The following RNF214 variants were observed in gnomAD, a reference collection of about 807,000 sequenced individuals.
RNF214 encodes ring finger protein 214.
A neutral mutation model predicts 75.9 loss-of-function variants in RNF214; 25 were observed. That is an observed-to-expected ratio of 0.33 (90% CI 0.24 to 0.46). RNF214 has a LOEUF of 0.46. Among genes scored for constraint, RNF214 ranks in the 20% least tolerant of loss-of-function variants. RNF214 has a pLI of 1.00. For missense variants in RNF214, 725 were observed against 857.5 expected (o/e 0.85, Z 1.93); for synonymous variants, 314 against 308.8 (o/e 1.02, Z -0.18).
chr11:117,282,016 C>T lies in RNF214; in HGVS notation c.1458C>T (p.Phe486=), dbSNP rs992465724. Residue 486 remains phenylalanine, a synonymous_variant, in exon 11 of 15, where the codon TTC becomes TTT. Transcript: ENST00000300650. ...GTGCAGATCCCCGCTCCTTGTCTTT[C>T]CCAATCCTGAACCCTGCCCTTTCCC... ...MPSADPRSLS[F]PILNPALSQP... 43 of 1,614,078 alleles carry T rather than the reference C, an allele frequency of 2.7e-5. No individual in the cohort carries two copies. In the Middle Eastern group the frequency reaches 4.9e-4, roughly 19 times the overall value.
At chr11:117,252,339 A>C (rs1273544528) in intron 6 of RNF214, among the ~76,000 whole-genome samples, 1 of 152,212 alleles carries the variant, frequency 6.6e-6, no homozygotes, top group Non-Finnish European at 1.5e-5. Context: ...TAAGACATTT[A>C]GGGGCAGCAC....
At position 117,286,384 on chromosome 11, in the gene RNF214, C is replaced by T. The variant is rs988749936; in HGVS notation, c.*1233C>T. 2.0e-5 allele frequency: 3 copies of T among 152,170 alleles called. No individual in the cohort carries two copies. Among genetic ancestry groups the T allele is most frequent in the Non-Finnish European group, 2.9e-5 (2 of 68,018 alleles). 9.4% of individuals were successfully genotyped at this position (152,170 alleles called of 1,614,324 possible). On this transcript the variant is annotated 3_prime_UTR_variant, in exon 15 of 15. Coordinates refer to ENST00000300650, the MANE Select transcript of RNF214 (RefSeq NM_207343.4). ...TTAGAGCTTTGAATCTTTTCCTATC[C>T]TTTTATCTTTACTCCTACAGGGAAT... is the stretch of plus-strand genomic sequence containing the variant.
In RNF214 at chr11:117,278,821, G is replaced by A. The variant is rs539193549; in HGVS notation, c.960-1087G>A. Among the ~76,000 whole-genome samples, 40 of 152,230 alleles carry A rather than the reference G, an allele frequency of 2.6e-4. No individual in the cohort carries two copies. In the Middle Eastern group the frequency reaches 0.01, roughly 39 times the overall value. The stretch of plus-strand genomic sequence containing the variant: ...GAATATTAAGTAGGCCTCTGGCCAG[G>A]CACAGTAGCCTGTAATCCCAGCACT... On this transcript the variant is annotated intron_variant, in intron 6 of 14. Coordinates refer to ENST00000300650, the MANE Select transcript of RNF214 (RefSeq NM_207343.4).
chr11:117,246,990 A>G, intron 6 of RNF214, 42 bp downstream of exon 6: 1 of 1,468,392 alleles, frequency 6.8e-7, no homozygotes, highest in South Asian at 1.5e-5. Flanking sequence ...GTATGTATAT[A>G]TGCATGAGGG....
intron 6 of RNF214, among the ~76,000 whole-genome samples, chr11:117,252,510 T>C (rs1166333605): frequency 1.3e-5 from 2 of 152,194 alleles, no homozygotes; most frequent in Admixed American, 1.3e-4. Context: ...GCCATTTCTT[T>C]ATGAACTGAA....
intron 6 of RNF214, among the ~76,000 whole-genome samples, chr11:117,275,150 C>T (rs1328322181): frequency 6.6e-6 from 1 of 152,068 alleles, no homozygotes; most frequent in Non-Finnish European, 1.5e-5. Flanking sequence ...AACAACCTGT[C>T]CTGAATGATC....
At chr11:117,277,590 C>T (rs2134416224) in intron 6 of RNF214, among the ~76,000 whole-genome samples, 1 of 152,230 alleles carries the variant, frequency 6.6e-6, no homozygotes, top group Non-Finnish European at 1.5e-5. Context: ...AGGAAAGGGC[C>T]TCATAAACTT....
At chr11:117,247,572 G>A (rs1370647510) in intron 6 of RNF214, among the ~76,000 whole-genome samples, 1 of 133,438 alleles carries the variant, frequency 7.5e-6, no homozygotes, top group Non-Finnish European at 1.6e-5. Context: ...CAGACCATGG[G>A]ACAGGCACAG....
chr11:117,275,800 C>G (rs2034005276), intron 6 of RNF214, among the ~76,000 whole-genome samples: 1 of 152,162 alleles, frequency 6.6e-6, no homozygotes, highest in Admixed American at 6.5e-5. Context: ...CAGCCAAATT[C>G]TACCAGACAT....
intron 6 of RNF214, among the ~76,000 whole-genome samples, chr11:117,268,780 A>T (rs544266738): frequency 6.6e-6 from 1 of 152,330 alleles, no homozygotes; most frequent in African/African-American, 2.4e-5. Context: ...TTTGGGAACA[A>T]TTGACATCTT....
intron 11 of RNF214, 46 bp downstream of exon 11, chr11:117,282,316 G>T: frequency 1.3e-6 from 2 of 1,582,992 alleles, no homozygotes; most frequent in South Asian, 2.3e-5. Flanking sequence ...TCAGAGAAAT[G>T]CTTATGGGTT....
At position 117,240,549 on chromosome 11, in the gene RNF214, G is replaced by A. The variant is rs151051520; in HGVS notation, c.678+689G>A. Among the ~76,000 whole-genome samples, 1,306 of 151,750 alleles carry A rather than the reference G, an allele frequency of 8.6e-3. 21 individuals are homozygous for A. Among genetic ancestry groups the A allele is most frequent in the African/African-American group, 0.03 (1,234 of 41,332 alleles). ...CTAAAAATACAAAAATTAGCCGGGC[G>A]TGGTGGTGTGTGCCTGTAATCCCAG... On this transcript the variant is annotated intron_variant, in intron 4 of 14. Transcript: ENST00000300650.
intron 6 of RNF214, among the ~76,000 whole-genome samples, chr11:117,272,894 C>T (rs1387529561): frequency 6.6e-6 from 1 of 151,926 alleles, no homozygotes; most frequent in Non-Finnish European, 1.5e-5. Flanking sequence ...AACAAGGACC[C>T]CAAAGAGGTT....
At chr11:117,244,236 C>G (rs1044858674) in intron 4 of RNF214, among the ~76,000 whole-genome samples, 1 of 152,160 alleles carries the variant, frequency 6.6e-6, no homozygotes, top group African/African-American at 2.4e-5. Flanking sequence ...CCGCCTCAGC[C>G]TCCCAAAGTA....
chr11:117,233,880 A>G (rs2032818325), intron 1 of RNF214, among the ~76,000 whole-genome samples: 1 of 152,210 alleles, frequency 6.6e-6, no homozygotes, highest in African/African-American at 2.4e-5. Flanking sequence ...AAAACATGAG[A>G]TCTGATTGAT....
intron 4 of RNF214, among the ~76,000 whole-genome samples, chr11:117,243,075 C>T (rs1345514132): frequency 6.6e-6 from 1 of 152,244 alleles, no homozygotes; most frequent in African/African-American, 2.4e-5. Context: ...CATTTCAGTA[C>T]ATGGACTAAA....
In RNF214 at chr11:117,282,204, C is replaced by T. The variant is rs781003395; in HGVS notation, c.1646C>T (p.Pro549Leu). The part of the protein sequence containing the change: ...GVKASAETPR[P>L]QPVDKLEKIL... ...AAGGCTTCTGCTGAAACTCCCCGGC[C>T]CCAACCAGTAGACAAACTGGAGAAG... is the stretch of plus-strand genomic sequence containing the variant. The change falls in exon 11 of 15, where the codon CCC becomes CTC. Residue 549 changes from proline (P) to leucine (L), a missense_variant. This residue lies in a region of RNF214 where 363 missense variants were observed against 513.0 expected (regional missense o/e 0.71). Coordinates refer to ENST00000300650, the MANE Select transcript of RNF214 (RefSeq NM_207343.4). The T allele has an allele frequency of 3.7e-6, 6 of 1,612,880 alleles. No individual in the cohort carries two copies.
At chr11:117,268,405 G>T (rs558590) in intron 6 of RNF214, among the ~76,000 whole-genome samples, 1 of 152,072 alleles carries the variant, frequency 6.6e-6, no homozygotes. Context: ...AAAGATTTAC[G>T]TATATTTGAA....
chr11:117,260,650 TC>T (rs2033636197), intron 6 of RNF214, among the ~76,000 whole-genome samples: 1 of 149,552 alleles, frequency 6.7e-6, no homozygotes, highest in African/African-American at 2.5e-5. Flanking sequence ...TTTTTTTTTT[TC>T]TTTTTCCTTT....
Sources: gnomAD v4.1 joint callset for allele counts (sites outside exome capture counted in the v4.1 genomes callset) on GRCh38, gnomAD v4.1.1 for gene constraint, gnomAD v4.1.1 regional missense constraint, MANE v1.5 for transcripts, NCBI Gene and HGNC (gene_info 2026-07-23, HGNC 2026-07-21) for gene names.